The following SLC16A7 variants were observed in gnomAD, a reference collection of about 807,000 sequenced individuals.
SLC16A7 encodes monocarboxylate transporter 2.
Under a neutral mutation model 34.9 loss-of-function variants are expected in SLC16A7, and 33 were observed. That is an observed-to-expected ratio of 0.94 (90% CI 0.72 to 1.26). SLC16A7 has a LOEUF of 1.26. Among genes scored for constraint, SLC16A7 ranks in the 50% most tolerant of loss-of-function variants. The pLI, the probability that SLC16A7 is intolerant of heterozygous loss-of-function variation, is 0.00. For synonymous variants in SLC16A7, 201 were observed against 206.6 expected (o/e 0.97, Z 0.23); for missense variants, 573 against 578.1 (o/e 0.99, Z 0.09).
intron 1 of SLC16A7, among the ~76,000 whole-genome samples, chr12:59,604,053 G>A (rs1417958603): frequency 6.6e-6 from 1 of 152,144 alleles, no homozygotes; most frequent in Non-Finnish European, 1.5e-5. Context: ...AACATATTCA[G>A]TTTTTCTTCC....
chr12:59,620,790 C>T (rs562923281), intron 1 of SLC16A7, among the ~76,000 whole-genome samples: 6 of 151,754 alleles, frequency 4.0e-5, no homozygotes, highest in Admixed American at 3.3e-4. Flanking sequence ...GAGTATTAAT[C>T]AGAAACCAAT....
In SLC16A7 at chr12:59,780,546, G is replaced by C. The variant is rs1252078667; in HGVS notation, c.*867G>C. On this transcript the variant is annotated 3_prime_UTR_variant, in exon 6 of 6. Coordinates refer to ENST00000547379, the MANE Select transcript of SLC16A7 (RefSeq NM_001270623.2). ...ATTCTTACCTAATATGTAAAAGTCT[G>C]CATGACTCTTAACAATGAGTCACAT... The C allele has an allele frequency of 1.3e-5, 2 of 152,008 alleles. No homozygotes were observed. Among genetic ancestry groups the C allele is most frequent in the African/African-American group, 2.4e-5 (1 of 41,392 alleles). The allele number at this position is 152,008 out of a possible 1,614,324, so 9.4% of individuals were successfully genotyped here. A position where few individuals can be genotyped will look rare whatever the true frequency, so the allele number is the denominator to read the frequency against.
chr12:59,635,150 G>A lies in SLC16A7; in HGVS notation c.-129-20002G>A, dbSNP rs1202722040. ...TAGAAACTATGCTTATACTAAAGGTGTTACAGCTGGATGTATGTGCTCTAA... is the reference window on the plus strand; with the variant it reads ...TAGAAACTATGCTTATACTAAAGGTATTACAGCTGGATGTATGTGCTCTAA... On this transcript the variant is annotated intron_variant, in intron 1 of 5. Coordinates refer to ENST00000547379, the MANE Select transcript of SLC16A7 (RefSeq NM_001270623.2). 2.6e-5 allele frequency among the ~76,000 whole-genome samples: 4 copies of A among 152,032 alleles called. No individual in the cohort carries two copies. The East Asian group carries it at 7.8e-4, about 29-fold the overall frequency.
chr12:59,673,147 G>T (rs926259060), intron 2 of SLC16A7, among the ~76,000 whole-genome samples: 31 of 152,072 alleles, frequency 2.0e-4, no homozygotes, highest in Admixed American at 1.5e-3. Context: ...ATTTTGAGCA[G>T]TATATTAAGC....
chr12:59,767,854 A>G (rs962364632), intron 3 of SLC16A7, among the ~76,000 whole-genome samples: 1 of 150,768 alleles, frequency 6.6e-6, no homozygotes, highest in Non-Finnish European at 1.5e-5. Context: ...CAAAAAACCA[A>G]TCACCGCATG....
At chr12:59,695,519 A>G (rs942769972) in intron 2 of SLC16A7, among the ~76,000 whole-genome samples, 8 of 151,972 alleles carry the variant, frequency 5.3e-5, no homozygotes, top group African/African-American at 1.9e-4. Flanking sequence ...AATTTCTCAT[A>G]TCCCTGACTT....
intron 1 of SLC16A7, among the ~76,000 whole-genome samples, chr12:59,624,453 A>G (rs575283934): frequency 6.6e-6 from 1 of 151,844 alleles, no homozygotes; most frequent in Admixed American, 6.6e-5. Flanking sequence ...ATAGTGCTAT[A>G]TAAATGAGCA....
chr12:59,676,494 AT>A (rs1870324520), intron 2 of SLC16A7, among the ~76,000 whole-genome samples: 3 of 152,074 alleles, frequency 2.0e-5, no homozygotes, highest in South Asian at 2.1e-4. Context: ...GTAATAATGG[AT>A]TTTTTTAACC....
At chr12:59,729,151 A>G (rs1277082407) in intron 3 of SLC16A7, among the ~76,000 whole-genome samples, 1 of 152,232 alleles carries the variant, frequency 6.6e-6, no homozygotes, top group Non-Finnish European at 1.5e-5. Flanking sequence ...GGTTTGCATA[A>G]TTGAGTTAAT....
At chr12:59,683,960 T>A (rs531194635) in intron 2 of SLC16A7, among the ~76,000 whole-genome samples, 1 of 152,336 alleles carries the variant, frequency 6.6e-6, no homozygotes, top group South Asian at 2.1e-4. Flanking sequence ...TCAGTGGCTT[T>A]GGAGATTAGA....
At chr12:59,740,286 A>G (rs1462547325) in intron 3 of SLC16A7, among the ~76,000 whole-genome samples, 5 of 151,920 alleles carry the variant, frequency 3.3e-5, no homozygotes, top group Non-Finnish European at 2.9e-5. Context: ...TCCCAGCACC[A>G]TTTATTAAAT....
At chr12:59,608,964 C>T (rs1397528208) in intron 1 of SLC16A7, among the ~76,000 whole-genome samples, 1 of 152,088 alleles carries the variant, frequency 6.6e-6, no homozygotes, top group African/African-American at 2.4e-5. Flanking sequence ...AATTATTATG[C>T]ATATTTGGTC....
intron 3 of SLC16A7, among the ~76,000 whole-genome samples, chr12:59,763,537 T>C (rs1281201891): frequency 1.3e-5 from 2 of 152,102 alleles, no homozygotes; most frequent in Non-Finnish European, 2.9e-5. Flanking sequence ...TCAAAAACAT[T>C]TACCAAAACT....
chr12:59,613,311 C>T (rs1312962642), intron 1 of SLC16A7, among the ~76,000 whole-genome samples: 2 of 152,200 alleles, frequency 1.3e-5, no homozygotes, highest in Non-Finnish European at 2.9e-5. Flanking sequence ...GAAACCACCC[C>T]ATGGTTAAAT....
chr12:59,620,979 T>A (rs551952688), intron 1 of SLC16A7, among the ~76,000 whole-genome samples: 1 of 152,020 alleles, frequency 6.6e-6, no homozygotes, highest in African/African-American at 2.4e-5. Flanking sequence ...AAATACAATC[T>A]TTTTTTGAGG....
chr12:59,597,177 T>A (rs765215859), intron 1 of SLC16A7: 1 of 151,816 alleles, frequency 6.6e-6, no homozygotes, highest in African/African-American at 2.4e-5. Context: ...CCGGTAGGGC[T>A]GAGGAGGGAC....
chr12:59,684,167 G>C (rs1016163286), intron 2 of SLC16A7, among the ~76,000 whole-genome samples: 1 of 152,094 alleles, frequency 6.6e-6, no homozygotes, highest in Non-Finnish European at 1.5e-5. Context: ...CTCTAAAAGA[G>C]GACATTTTTC....
In SLC16A7 at chr12:59,779,779, A is replaced by C; in HGVS notation, c.*100A>C. On this transcript the variant is annotated 3_prime_UTR_variant, in exon 6 of 6. Transcript: ENST00000547379. ...ATTAGAAAAGGTTTTAGCTGAAATG[A>C]GGAGTCACAATTAAGGATGGAGGTG... is the stretch of plus-strand genomic sequence containing the variant. 1.1e-6 allele frequency: 1 copy of C among 938,742 alleles called. No homozygotes were observed. The highest frequency in any genetic ancestry group is 1.6e-6 in the Non-Finnish European group (1 of 636,966). The allele number at this position is 938,742 out of a possible 1,614,324, so 58.2% of individuals were successfully genotyped here. A position where few individuals can be genotyped will look rare whatever the true frequency, so the allele number is the denominator to read the frequency against.
intron 3 of SLC16A7, among the ~76,000 whole-genome samples, chr12:59,720,704 C>T (rs566900612): frequency 6.6e-6 from 1 of 152,190 alleles, no homozygotes; most frequent in East Asian, 1.9e-4. Context: ...TTATCAATAG[C>T]TTTCAAATAA....
Sources: allele counts gnomAD v4.1 joint callset (sites outside exome capture counted in the v4.1 genomes callset), GRCh38; gene constraint gnomAD v4.1.1; transcripts MANE v1.5; gene names NCBI Gene and HGNC (gene_info 2026-07-23, HGNC 2026-07-21).